The following ARFIP2 variants were observed in gnomAD, a reference collection of about 807,000 sequenced individuals.
ARFIP2 encodes the protein arfaptin-2.
A neutral mutation model predicts 39.2 loss-of-function variants in ARFIP2; 14 were observed. The ratio of observed to expected loss-of-function variants is 0.36; its 90% CI spans 0.24 to 0.56. The LOEUF (loss-of-function observed/expected upper bound fraction) is 0.56. Among genes scored for constraint, ARFIP2 ranks in the 20% least tolerant of loss-of-function variants. ARFIP2 has a pLI of 0.85. For missense variants in ARFIP2, 305 were observed against 422.5 expected (o/e 0.72, Z 2.44); for synonymous variants, 167 against 172.4 (o/e 0.97, Z 0.24).
intron 2 of ARFIP2, 97 bp from the exon 3 acceptor site, chr11:6,480,165 G>C: frequency 7.7e-7 from 1 of 1,300,578 alleles, no homozygotes; most frequent in African/African-American, 1.5e-5. Context: ...CATAAAGATA[G>C]TACACAAGGG....
At position 6,477,638 on chromosome 11, in the gene ARFIP2, C is replaced by G; in HGVS notation, c.870+80G>C. ...CCCAGCTAGGCTGCATTTCCTCATT[C>G]AATAATGGGGAGGGTCTGAGGGGAA... On this transcript the variant is annotated intron_variant, in intron 7 of 7. Coordinates refer to ENST00000396777, the MANE Select transcript of ARFIP2 (RefSeq NM_001376558.2). The surrounding 1 kb of genome is among the most constrained non-coding windows in gnomAD (Gnocchi z 4.8). The G allele has an allele frequency of 6.7e-7, 1 of 1,495,980 alleles. No homozygotes were observed. The highest frequency in any genetic ancestry group is 9.1e-7 in the Non-Finnish European group (1 of 1,098,752). 92.7% of individuals were successfully genotyped at this position (1,495,980 alleles called of 1,614,324 possible).
Position 6,480,139 on chromosome 11 carries a change from G to C in ARFIP2, c.100-71C>G, listed in dbSNP as rs1039942505. On this transcript the variant is annotated intron_variant, in intron 2 of 7. Transcript: ENST00000396777. ...AGAAGCATTTTGGAGGTGGGAACAA[G>C]TTTGGATTCAAGCATCATAAAGATA... The C allele has an allele frequency of 2.1e-4, 300 of 1,430,260 alleles. 2 individuals are homozygous for C. Among genetic ancestry groups the C allele is most frequent in the Non-Finnish European group, 1.1e-4 (113 of 1,022,726 alleles). 88.6% of individuals were successfully genotyped at this position (1,430,260 alleles called of 1,614,324 possible).
chr11:6,480,456 C>A lies in ARFIP2; in HGVS notation c.-35G>T. On this transcript the variant is annotated 5_prime_UTR_variant, in exon 2 of 8. Transcript: ENST00000396777. ...AGGTATTGGAGTAAAACTCTCCACC[C>A]CAGCACCCTGCAAAGCCCAACACAG... 6.5e-7 allele frequency: 1 copy of A among 1,532,936 alleles called. No individual in the cohort carries two copies. The highest frequency in any genetic ancestry group is 8.8e-7 in the Non-Finnish European group (1 of 1,131,848). The allele number at this position is 1,532,936 out of a possible 1,614,324, so 95.0% of individuals were successfully genotyped here.
rs558328380 is a variant in ARFIP2 at position 6,477,483 on chromosome 11, G to A, written c.871-215C>T. Among the ~76,000 whole-genome samples, 1 of 152,264 alleles carries A rather than the reference G, an allele frequency of 6.6e-6. No individual in the cohort carries two copies. The highest frequency in any genetic ancestry group is 2.4e-5 in the African/African-American group (1 of 41,546). ...GTGGGCCTAGGGTTTTTGTACCCCA[G>A]CTCAGGGGGTGATTTTTCCCAGTTA... On this transcript the variant is annotated intron_variant, in intron 7 of 7. Coordinates refer to ENST00000396777, the MANE Select transcript of ARFIP2 (RefSeq NM_001376558.2). This position sits in a 1 kb window ranked among gnomAD's most constrained non-coding sequence, Gnocchi z 4.8.
Position 6,481,232 on chromosome 11 carries a change from T to TCGGGC in ARFIP2, c.-49_-45dup, listed in dbSNP as rs915650866. 1.7e-5 allele frequency: 10 copies of TCGGGC among 581,812 alleles called. No homozygotes were observed. The Admixed American group carries it at 2.2e-4, about 13-fold the overall frequency. 36.0% of individuals were successfully genotyped at this position (581,812 alleles called of 1,614,324 possible). On this transcript the variant is annotated splice_region_variant and 5_prime_UTR_variant, in exon 1 of 8. Transcript: ENST00000396777. ...GTCGCCCAAGCATGTTCCTCTCACC[T>TCGGGC]CGGGCCGGGCCGCTCTTCCCCTCAG...
In ARFIP2 at chr11:6,477,661, G is replaced by C. The variant is rs1034068891; in HGVS notation, c.870+57C>G. 125 of 1,577,848 alleles carry C rather than the reference G, an allele frequency of 7.9e-5. No homozygotes were observed. The highest frequency in any genetic ancestry group is 8.3e-5 in the Non-Finnish European group (96 of 1,155,986). ...TTCAATAATGGGGAGGGTCTGAGGG[G>C]AAGGTTAGTGTTACAGATGGAAAGG... On this transcript the variant is annotated intron_variant, in intron 7 of 7. Transcript: ENST00000396777. This position sits in a 1 kb window ranked among gnomAD's most constrained non-coding sequence, Gnocchi z 4.8.
chr11:6,478,512 GTTAT>G lies in ARFIP2; in HGVS notation c.537+222_537+225del. ...GGCATTCTCCCCAGTGCAGAGAGGG[GTTAT>G]TTGTGAGGCACCTAGTGTGCCCCCT... On this transcript the variant is annotated intron_variant, in intron 5 of 7. Transcript: ENST00000396777. The surrounding 1 kb of genome is among the most constrained non-coding windows in gnomAD (Gnocchi z 4.8). 2.2e-6 allele frequency: 3 copies of G among 1,375,824 alleles called. No homozygotes were observed. Among genetic ancestry groups the G allele is most frequent in the South Asian group, 3.0e-5 (2 of 66,486 alleles). The allele number at this position is 1,375,824 out of a possible 1,614,324, so 85.2% of individuals were successfully genotyped here.
In ARFIP2 at chr11:6,479,130, T is replaced by G; in HGVS notation, c.315+10A>C. 6.2e-7 allele frequency: 1 copy of G among 1,613,520 alleles called. No homozygotes were observed. The highest frequency in any genetic ancestry group is 8.5e-7 in the Non-Finnish European group (1 of 1,179,576). ...GAGTTTTGGGGAAGGGAGAGGTGCT[T>G]AAATCCTACCTTATAGGTGTTGATG... On this transcript the variant is annotated intron_variant, in intron 4 of 7. Coordinates refer to ENST00000396777, the MANE Select transcript of ARFIP2 (RefSeq NM_001376558.2).
intron 3 of ARFIP2, chr11:6,479,478 G>T: frequency 1.2e-6 from 1 of 808,578 alleles, no homozygotes; most frequent in South Asian, 1.8e-5. Flanking sequence ...GGAGGGGTTT[G>T]CAGGGAGTTG....
In ARFIP2 at chr11:6,477,156, C is replaced by T. The variant is rs368145555; in HGVS notation, c.983G>A (p.Arg328Gln). ...QTLQQFNIKL[R>Q]PPGAEKPSWL... is the part of the protein sequence containing the mutation. Reference sequence around the variant, plus strand: ...GGAGGGTTTCTCAGCTCCTGGAGGCCGCAGCTTGATGTTGAACTGCTGCAG... The same window carrying T: ...GGAGGGTTTCTCAGCTCCTGGAGGCTGCAGCTTGATGTTGAACTGCTGCAG... Residue 328 changes from arginine (R) to glutamine (Q), a missense_variant, in exon 8 of 8, where the codon CGG becomes CAG. Transcript: ENST00000396777. This position sits in a 1 kb window ranked among gnomAD's most constrained non-coding sequence, Gnocchi z 4.8. The T allele has an allele frequency of 1.3e-4, 203 of 1,611,606 alleles. No individual in the cohort carries two copies. Among genetic ancestry groups the T allele is most frequent in the Non-Finnish European group, 1.6e-4 (183 of 1,178,756 alleles).
chr11:6,477,277 C>T lies in ARFIP2; in HGVS notation c.871-9G>A. The T allele has an allele frequency of 6.2e-7, 1 of 1,611,188 alleles. No individual in the cohort carries two copies. The highest frequency in any genetic ancestry group is 8.5e-7 in the Non-Finnish European group (1 of 1,178,948). ...TTGTGCATCACCTTGATCTGGGGGT[C>T]CAGCAGGGTCAGCTAAGGCTGGACT... On this transcript the variant is annotated splice_polypyrimidine_tract_variant and intron_variant, in intron 7 of 7. Coordinates refer to ENST00000396777, the MANE Select transcript of ARFIP2 (RefSeq NM_001376558.2). The surrounding 1 kb of genome is among the most constrained non-coding windows in gnomAD (Gnocchi z 4.8).
rs868062670 is a variant in ARFIP2, at chr11:6,479,086, G to A, written c.315+54C>T. 1.6e-5 allele frequency: 25 copies of A among 1,594,030 alleles called. No individual in the cohort carries two copies. In the Middle Eastern group the frequency reaches 8.4e-4, roughly 53 times the overall value. Reference sequence around the variant, plus strand: ...GGGATATTACGATCACGAAGAAAAGGGAAAAAGGTACCCATAAGGAGTTTT... The same window carrying A: ...GGGATATTACGATCACGAAGAAAAGAGAAAAAGGTACCCATAAGGAGTTTT... On this transcript the variant is annotated intron_variant, in intron 4 of 7. Coordinates refer to ENST00000396777, the MANE Select transcript of ARFIP2 (RefSeq NM_001376558.2).
rs764587780 is a variant in ARFIP2, at chr11:6,478,668, A to G, written c.537+70T>C. Reference sequence around the variant, plus strand: ...TCCCTGTGGGCTGCAGGAGGGAGGGAGGATGAGGAATGACTGCCTGGGAGG... The same window carrying G: ...TCCCTGTGGGCTGCAGGAGGGAGGGGGGATGAGGAATGACTGCCTGGGAGG... On this transcript the variant is annotated intron_variant, in intron 5 of 7. Transcript: ENST00000396777. This position sits in a 1 kb window ranked among gnomAD's most constrained non-coding sequence, Gnocchi z 4.8. 49 of 1,542,312 alleles carry G rather than the reference A, an allele frequency of 3.2e-5. 1 individual carries two copies. The East Asian group carries it at 1.2e-3, about 37-fold the overall frequency.
chr11:6,479,457 T>TAACCCCCAA, intron 3 of ARFIP2, 199 bp from the exon 4 acceptor site: 2 of 1,021,060 alleles, frequency 2.0e-6, no homozygotes, highest in Non-Finnish European at 2.9e-6. Context: ...ATGGCCTCCT[T>TAACCCCCAA]GGGGGTTAGA....
rs372997805 is a variant in ARFIP2, at chr11:6,477,037, C to T, written c.*76G>A. Reference sequence around the variant, plus strand: ...CAGAGGGCAAGTGACAAAGGATGTACCATGTCCAATCTCCCACACCCTGGG... The same window carrying T: ...CAGAGGGCAAGTGACAAAGGATGTATCATGTCCAATCTCCCACACCCTGGG... On this transcript the variant is annotated 3_prime_UTR_variant, in exon 8 of 8. Coordinates refer to ENST00000396777, the MANE Select transcript of ARFIP2 (RefSeq NM_001376558.2). This position sits in a 1 kb window ranked among gnomAD's most constrained non-coding sequence, Gnocchi z 4.8. The T allele has an allele frequency of 3.5e-4, 516 of 1,480,682 alleles. 8 individuals carry two copies. The South Asian group carries it at 6.3e-3, about 18-fold the overall frequency. The allele number at this position is 1,480,682 out of a possible 1,614,324, so 91.7% of individuals were successfully genotyped here. A position where few individuals can be genotyped will look rare whatever the true frequency, so the allele number is the denominator to read the frequency against.
chr11:6,478,559 T>G lies in ARFIP2; in HGVS notation c.537+179A>C. On this transcript the variant is annotated intron_variant, in intron 5 of 7. Transcript: ENST00000396777. This position sits in a 1 kb window ranked among gnomAD's most constrained non-coding sequence, Gnocchi z 4.8. Reference sequence around the variant, plus strand: ...TGCCCCCTCCCCCACCCCCTCCAACTTCTGGACCTCTGTACAAACCCTTAG... The same window carrying G: ...TGCCCCCTCCCCCACCCCCTCCAACGTCTGGACCTCTGTACAAACCCTTAG... 8 of 1,044,428 alleles carry G rather than the reference T, an allele frequency of 7.7e-6. No individual in the cohort carries two copies. The highest frequency in any genetic ancestry group is 3.5e-5 in the East Asian group (1 of 28,414). 64.7% of individuals were successfully genotyped at this position (1,044,428 alleles called of 1,614,324 possible). A position where few individuals can be genotyped will look rare whatever the true frequency, so the allele number is the denominator to read the frequency against.
At chr11:6,481,069 T>C in intron 1 of ARFIP2, 162 bp downstream of exon 1, 1 of 254,732 alleles carries the variant, frequency 3.9e-6, no homozygotes, top group Non-Finnish European at 7.7e-6. Context: ...TCGGTGACCC[T>C]TCCACAGTCA....
At position 6,478,868 on chromosome 11, in the gene ARFIP2, G is replaced by C. The variant is rs755818368; in HGVS notation, c.407C>G (p.Thr136Arg). 1 of 1,614,164 alleles carries C rather than the reference G, an allele frequency of 6.2e-7. No homozygotes were observed. The highest frequency in any genetic ancestry group is 1.1e-5 in the South Asian group (1 of 91,084). ...LELQIELLRE[T>R]KRKYESVLQL... ...CAGGACACTCTCATACTTGCGCTTC[G>C]TCTCACGCAGCAACTCAATCTGCAG... The change falls in exon 5 of 8, where the codon ACG (threonine) becomes AGG (arginine). Residue 136 changes from threonine (T) to arginine (R), a missense_variant. By Grantham distance (71) the Thr-to-Arg change is moderately conservative. Coordinates refer to ENST00000396777, the MANE Select transcript of ARFIP2 (RefSeq NM_001376558.2). The surrounding 1 kb of genome is among the most constrained non-coding windows in gnomAD (Gnocchi z 4.8).
In ARFIP2 at chr11:6,478,568, T is replaced by G; in HGVS notation, c.537+170A>C. 1 of 1,391,176 alleles carries G rather than the reference T, an allele frequency of 7.2e-7. No homozygotes were observed. The highest frequency in any genetic ancestry group is 9.4e-7 in the Non-Finnish European group (1 of 1,062,376). 86.2% of individuals were successfully genotyped at this position (1,391,176 alleles called of 1,614,324 possible). A position where few individuals can be genotyped will look rare whatever the true frequency, so the allele number is the denominator to read the frequency against. ...CCCCACCCCCTCCAACTTCTGGACC[T>G]CTGTACAAACCCTTAGGCTGCCTCC... On this transcript the variant is annotated intron_variant, in intron 5 of 7. Coordinates refer to ENST00000396777, the MANE Select transcript of ARFIP2 (RefSeq NM_001376558.2). The surrounding 1 kb of genome is among the most constrained non-coding windows in gnomAD (Gnocchi z 4.8).
Sources: gnomAD v4.1 joint callset for allele counts (sites outside exome capture counted in the v4.1 genomes callset) on GRCh38, gnomAD v4.1.1 for gene constraint, Gnocchi (gnomAD v3.1) non-coding constraint, MANE v1.5 for transcripts, NCBI Gene and HGNC (gene_info 2026-07-23, HGNC 2026-07-21) for gene names.